Variants in CCDC73 observed in about 807,000 individuals in gnomAD.
CCDC73 encodes the protein coiled-coil domain containing 73.
CCDC73 carries 95 observed loss-of-function variants against 116.5 expected under a neutral mutation model. The ratio of observed to expected loss-of-function variants is 0.82; its 90% confidence interval spans 0.69 to 0.97. The LOEUF (loss-of-function observed/expected upper bound fraction) is 0.97. CCDC73 is among the 50% of genes least tolerant of loss of function. The pLI, the probability that CCDC73 is intolerant of heterozygous loss-of-function variation, is 0.00. For synonymous variants in CCDC73, 398 were observed against 401.3 expected (o/e 0.99, Z 0.10); for missense variants, 1,066 against 1,206.8 (o/e 0.88, Z 1.73).
At chr11:32,736,623 A>G (rs1850132074) in intron 2 of CCDC73, among the ~76,000 whole-genome samples, 1 of 151,982 alleles carries the variant, frequency 6.6e-6, no homozygotes, top group Admixed American at 6.6e-5. Flanking sequence ...AGGATCTAGA[A>G]CTAGAAATAC....
intron 17 of CCDC73, among the ~76,000 whole-genome samples, chr11:32,608,393 G>C (rs1855381915): frequency 6.6e-6 from 1 of 152,156 alleles, no homozygotes; most frequent in Non-Finnish European, 1.5e-5. Flanking sequence ...CCAAAACAAA[G>C]GGTCTACAGG....
At chr11:32,747,753 G>T (rs778278018) in intron 2 of CCDC73, among the ~76,000 whole-genome samples, 1 of 152,214 alleles carries the variant, frequency 6.6e-6, no homozygotes, top group African/African-American at 2.4e-5. Context: ...TGGACCTGCC[G>T]AGACAGGCAC....
At chr11:32,758,730 A>G (rs1394912536) in intron 2 of CCDC73, 7 of 227,820 alleles carry the variant, frequency 3.1e-5, no homozygotes, top group African/African-American at 4.5e-5. Flanking sequence ...TGGAAATATA[A>G]ACAGACCAAA....
At chr11:32,728,161 G>C (rs1233033410) in intron 2 of CCDC73, among the ~76,000 whole-genome samples, 4 of 151,986 alleles carry the variant, frequency 2.6e-5, no homozygotes, top group Non-Finnish European at 4.4e-5. Context: ...TGAGGTAGGA[G>C]GATTGCTTAA....
chr11:32,690,767 T>A (rs1257597051), intron 6 of CCDC73, among the ~76,000 whole-genome samples: 1 of 152,176 alleles, frequency 6.6e-6, no homozygotes, highest in Admixed American at 6.5e-5. Context: ...AAACCTCTTT[T>A]GTTCATAAAT....
chr11:32,716,832 G>A (rs1392145112), intron 3 of CCDC73, among the ~76,000 whole-genome samples: 1 of 152,158 alleles, frequency 6.6e-6, no homozygotes, highest in African/African-American at 2.4e-5. Flanking sequence ...CAAAGTGCTG[G>A]GATTACAGGC....
chr11:32,618,666 C>T (rs1855495823), intron 14 of CCDC73, among the ~76,000 whole-genome samples: 1 of 152,194 alleles, frequency 6.6e-6, no homozygotes, highest in African/African-American at 2.4e-5. Flanking sequence ...AATTCTCCTG[C>T]CTCAGCCTCC....
chr11:32,753,209 C>G (rs1850302436), intron 2 of CCDC73, among the ~76,000 whole-genome samples: 1 of 152,018 alleles, frequency 6.6e-6, no homozygotes, highest in African/African-American at 2.4e-5. Context: ...AGGATAATCT[C>G]TATGCCCAAG....
intron 14 of CCDC73, among the ~76,000 whole-genome samples, chr11:32,622,695 T>C (rs1342306230): frequency 1.0e-5 from 1 of 99,372 alleles, no homozygotes; most frequent in African/African-American, 3.8e-5. Flanking sequence ...AAAGAAAGAA[T>C]GAACCTCTAG....
chr11:32,815,967 G>T, the CCDC73 span, among the ~76,000 whole-genome samples: 1 of 152,164 alleles, frequency 6.6e-6, no homozygotes, highest in Admixed American at 6.5e-5. Context: ...GACTATTTTG[G>T]AGGCAGTGCT....
intron 2 of CCDC73, among the ~76,000 whole-genome samples, chr11:32,725,845 G>T (rs1434674009): frequency 6.6e-6 from 1 of 152,102 alleles, no homozygotes; most frequent in Non-Finnish European, 1.5e-5. Context: ...TTCACTAGAG[G>T]CTGAGAAACA....
chr11:32,659,902 A>G (rs1031196569), intron 9 of CCDC73, among the ~76,000 whole-genome samples: 3 of 152,050 alleles, frequency 2.0e-5, no homozygotes, highest in Non-Finnish European at 4.4e-5. Flanking sequence ...TCATTCTGGG[A>G]CTCATTAAAG....
At chr11:32,702,538 G>A (rs1849822401) in intron 4 of CCDC73, among the ~76,000 whole-genome samples, 1 of 152,122 alleles carries the variant, frequency 6.6e-6, no homozygotes. Context: ...GAAGAGGCAA[G>A]AGCCTAGGAA....
chr11:32,746,250 T>C (rs1027271846), intron 2 of CCDC73, among the ~76,000 whole-genome samples: 2 of 152,216 alleles, frequency 1.3e-5, no homozygotes, highest in Non-Finnish European at 2.9e-5. Context: ...GTTGAATATT[T>C]GCCCCCACTC....
chr11:32,824,047 A>G, the CCDC73 span, among the ~76,000 whole-genome samples: 1 of 152,052 alleles, frequency 6.6e-6, no homozygotes, highest in Admixed American at 6.6e-5. Context: ...GGCATGCATT[A>G]CCATGCCCAG....
chr11:32,757,544 T>G (rs1169430876), intron 2 of CCDC73, among the ~76,000 whole-genome samples: 1 of 152,154 alleles, frequency 6.6e-6, no homozygotes, highest in Non-Finnish European at 1.5e-5. Context: ...ACAACTCAAA[T>G]TTATTCTGTT....
intron 2 of CCDC73, among the ~76,000 whole-genome samples, chr11:32,737,223 T>C (rs1850140709): frequency 7.0e-6 from 1 of 143,108 alleles, no homozygotes; most frequent in South Asian, 2.2e-4. Flanking sequence ...TGTGGGTACA[T>C]AGTAGGGCTG....
At chr11:32,732,008 TAA>T (rs1850083023) in intron 2 of CCDC73, among the ~76,000 whole-genome samples, 1 of 152,020 alleles carries the variant, frequency 6.6e-6, no homozygotes, top group African/African-American at 2.4e-5. Flanking sequence ...GCAAAGAAGC[TAA>T]AAACCTTGAA....
intron 1 of CCDC73, among the ~76,000 whole-genome samples, chr11:32,762,040 A>C (rs1850396556): frequency 6.6e-6 from 1 of 152,166 alleles, no homozygotes; most frequent in South Asian, 2.1e-4. Flanking sequence ...TTTAAATGTT[A>C]ATCACAGCCA....
Sources: allele counts gnomAD v4.1 joint callset (sites outside exome capture counted in the v4.1 genomes callset), GRCh38; gene constraint gnomAD v4.1.1; transcripts MANE v1.5; gene names NCBI Gene and HGNC (gene_info 2026-07-23, HGNC 2026-07-21).